Variants in AKAP8 observed in about 807,000 individuals in gnomAD.
The protein encoded by AKAP8 is A-kinase anchoring protein 8.
Under a neutral mutation model 67.5 loss-of-function variants are expected in AKAP8, and 24 were observed. The ratio of observed to expected loss-of-function variants is 0.36; its 90% confidence interval spans 0.26 to 0.50. The LOEUF (loss-of-function observed/expected upper bound fraction) is 0.50. AKAP8 is among the 20% of genes least tolerant of loss of function. The pLI is 0.97. For missense variants in AKAP8, 971 were observed against 955.9 expected (o/e 1.02, Z -0.21); for synonymous variants, 400 against 371.1 (o/e 1.08, Z -0.90).
In AKAP8 at chr19:15,369,861, T is replaced by G. The variant is rs1967125759; in HGVS notation, c.1072+285A>C. ...CTCTTCTCTCATGTTTCTCCTTCCC[T>G]ACAAACTTCGACTGTGGTGGACACC... is the stretch of plus-strand genomic sequence containing the variant. On this transcript the variant is annotated intron_variant, in intron 8 of 13. Coordinates refer to ENST00000269701, the MANE Select transcript of AKAP8 (RefSeq NM_005858.4). The surrounding 1 kb of genome is among the most constrained non-coding windows in gnomAD (Gnocchi z 4.6). Among the ~76,000 whole-genome samples the G allele has an allele frequency of 6.6e-6, 1 of 152,188 alleles. No homozygotes were observed. Among genetic ancestry groups the G allele is most frequent in the Non-Finnish European group, 1.5e-5 (1 of 68,012 alleles).
chr19:15,368,386 C>G lies in AKAP8; in HGVS notation c.1073-64G>C. The G allele has an allele frequency of 3.1e-6, 5 of 1,608,040 alleles. No homozygotes were observed. The South Asian group carries it at 5.5e-5, about 18-fold the overall frequency. On this transcript the variant is annotated intron_variant, in intron 8 of 13. Transcript: ENST00000269701. ...CTGCAAAGGAGCTGAGCTCCAGGGC[C>G]TGGTCGGGGGGCTGCAGCTTGGCCA...
chr19:15,374,071 A>G lies in AKAP8; in HGVS notation c.92-6T>C. 6.5e-7 allele frequency: 1 copy of G among 1,541,194 alleles called. No individual in the cohort carries two copies. On this transcript the variant is annotated splice_region_variant and splice_polypyrimidine_tract_variant and intron_variant, in intron 3 of 13. Transcript: ENST00000269701. The stretch of plus-strand genomic sequence containing the variant: ...GTAATTGTAGTTTTCATAACCTGTC[A>G]CAGGGGGAGGAGCCAAGTCAGACTT...
At chr19:15,356,130 A>G (rs2048276827) in intron 13 of AKAP8, among the ~76,000 whole-genome samples, 1 of 151,776 alleles carries the variant, frequency 6.6e-6, no homozygotes, top group African/African-American at 2.4e-5. Flanking sequence ...GCCGGGCGTG[A>G]TGGCTCACAC....
At chr19:15,379,197 A>C (rs1232319220) in intron 1 of AKAP8, 1 of 152,982 alleles carries the variant, frequency 6.5e-6, no homozygotes, top group Non-Finnish European at 1.5e-5. Flanking sequence ...CCCAGCGGAG[A>C]CCCTACACGG....
chr19:15,375,452 G>A (rs1393286013), intron 2 of AKAP8, among the ~76,000 whole-genome samples: 1 of 152,118 alleles, frequency 6.6e-6, no homozygotes, highest in Non-Finnish European at 1.5e-5. Flanking sequence ...GTTTTTAAAT[G>A]GTTGGGGTAA....
At chr19:15,365,953 G>A (rs924426170) in intron 9 of AKAP8, among the ~76,000 whole-genome samples, 5 of 151,526 alleles carry the variant, frequency 3.3e-5, no homozygotes, top group African/African-American at 9.7e-5. Context: ...AGCCCAGGAG[G>A]TGGACTGTTG....
chr19:15,376,695 G>C (rs1967258591), intron 2 of AKAP8, among the ~76,000 whole-genome samples: 3 of 152,156 alleles, frequency 2.0e-5, no homozygotes, highest in South Asian at 2.1e-4. Context: ...TGCCAAAATA[G>C]AGTATTCACT....
intron 1 of AKAP8, 109 bp downstream of exon 1, chr19:15,379,604 G>A: frequency 7.4e-7 from 1 of 1,348,964 alleles, no homozygotes; most frequent in Non-Finnish European, 1.0e-6. Flanking sequence ...GGCCCAGCTG[G>A]GGCAACCACG....
chr19:15,374,037 G>C lies in AKAP8; in HGVS notation c.120C>G (p.Ala40=), dbSNP rs150750683. The C allele has an allele frequency of 3.8e-6, 6 of 1,579,702 alleles. No individual in the cohort carries two copies. The highest frequency in any genetic ancestry group is 3.4e-4 in the Middle Eastern group (2 of 5,856). The part of the protein sequence containing the change: ...QGYENYNYYG[A]QNTSVTTGAT... ...CGCCTGTGGTGACACTGGTGTTCTG[G>C]GCGCCATAGTAATTGTAGTTTTCAT... is the stretch of plus-strand genomic sequence containing the variant. Residue 40 remains alanine, a synonymous_variant, in exon 4 of 14, where the codon GCC becomes GCG. Transcript: ENST00000269701.
rs1568424495 is a variant in AKAP8 at position 15,362,266 on chromosome 19, C to T, written c.1161-15G>A. 1 of 1,613,804 alleles carries T rather than the reference C, an allele frequency of 6.2e-7. No homozygotes were observed. Among genetic ancestry groups the T allele is most frequent in the Non-Finnish European group, 8.5e-7 (1 of 1,179,876 alleles). On this transcript the variant is annotated splice_polypyrimidine_tract_variant and intron_variant, in intron 9 of 13. Transcript: ENST00000269701. ...CAAACTGAATTCTGTAGAAGGAAAA[C>T]AAGGAGGGGAGTGAAGCAGGGAGCA...
chr19:15,356,183 G>A (rs770083390), intron 13 of AKAP8, among the ~76,000 whole-genome samples: 4 of 150,838 alleles, frequency 2.7e-5, no homozygotes, highest in East Asian at 2.0e-4. Flanking sequence ...GGTGGATCAC[G>A]AGGTCAGGAG....
intron 12 of AKAP8, among the ~76,000 whole-genome samples, chr19:15,359,360 G>C (rs539733206): frequency 2.6e-5 from 4 of 152,370 alleles, no homozygotes; most frequent in Non-Finnish European, 4.4e-5. Context: ...GGACTCAGTG[G>C]AGGAAAAGGA....
At chr19:15,378,416 G>C (rs561097327) in intron 1 of AKAP8, among the ~76,000 whole-genome samples, 1 of 152,110 alleles carries the variant, frequency 6.6e-6, no homozygotes, top group African/African-American at 2.4e-5. Flanking sequence ...GTGTCTGAAA[G>C]GTTTTCGGCA....
At chr19:15,377,084 C>CTT in intron 1 of AKAP8, 70 bp from the exon 2 acceptor site, 1 of 1,529,614 alleles carries the variant, frequency 6.5e-7, no homozygotes, top group South Asian at 1.2e-5. Flanking sequence ...GGGGGTACTC[C>CTT]TAAAGGGATC....
chr19:15,359,204 G>A (rs1966925143), intron 12 of AKAP8, 142 bp from the exon 13 acceptor site: 2 of 723,210 alleles, frequency 2.8e-6, no homozygotes, highest in South Asian at 3.5e-5. Context: ...AAGAATAGAA[G>A]GCTCCAGAGA....
In AKAP8 at chr19:15,362,246, T is replaced by C; in HGVS notation, c.1166A>G (p.Gln389Arg). The change falls in exon 10 of 14, where the codon CAG (glutamine) becomes CGG (arginine). Residue 389 changes from glutamine (Q) to arginine (R), a missense_variant. Around this residue, in one of 3 missense-constraint regions of AKAP8, gnomAD observed 763 missense variants for 745.4 expected, o/e 1.02. Coordinates refer to ENST00000269701, the MANE Select transcript of AKAP8 (RefSeq NM_005858.4). ...RTRDRAADRI[Q>R]FACSVCKFRS... ...GAACTTGCATACAGAACAGGCAAAC[T>C]GAATTCTGTAGAAGGAAAACAAGGA... The C allele has an allele frequency of 6.2e-7, 1 of 1,614,002 alleles. No individual in the cohort carries two copies. Among genetic ancestry groups the C allele is most frequent in the Non-Finnish European group, 8.5e-7 (1 of 1,179,976 alleles).
intron 1 of AKAP8, among the ~76,000 whole-genome samples, chr19:15,377,511 C>G (rs1599575497): frequency 6.6e-6 from 1 of 152,188 alleles, no homozygotes; most frequent in African/African-American, 2.4e-5. Context: ...CTCTGTTGCC[C>G]AGGTTAGAGC....
intron 12 of AKAP8, 42 bp downstream of exon 12, chr19:15,360,806 C>G (rs746191817): frequency 4.6e-5 from 74 of 1,593,680 alleles, no homozygotes; most frequent in Non-Finnish European, 6.2e-5. Context: ...GAGCCGCAGC[C>G]CTGCAATGAG....
rs916069792 is a variant in AKAP8 at position 15,360,593 on chromosome 19, C to T, written c.1527+255G>A. ...AGCTTATGGAAGCCCCCAGGCCTTC[C>T]GCTAGTGGGAAAACTGACCAACGTG... On this transcript the variant is annotated intron_variant, in intron 12 of 13. Transcript: ENST00000269701. Among the ~76,000 whole-genome samples, 11 of 152,116 alleles carry T rather than the reference C, an allele frequency of 7.2e-5. No individual in the cohort carries two copies. The South Asian group carries it at 2.3e-3, about 31-fold the overall frequency.
Sources: allele counts gnomAD v4.1 joint callset (sites outside exome capture counted in the v4.1 genomes callset), GRCh38; gene constraint gnomAD v4.1.1; regional missense constraint gnomAD v4.1.1; non-coding constraint Gnocchi (gnomAD v3.1); transcripts MANE v1.5; gene names NCBI Gene and HGNC (gene_info 2026-07-23, HGNC 2026-07-21).